NCKAP1: variants seen among roughly 807,000 people sequenced by gnomAD.
NCKAP1 encodes NCK associated protein 1.
Under a neutral mutation model 151.2 loss-of-function variants are expected in NCKAP1, and 21 were observed. The observed-to-expected ratio is 0.14, with a 90% CI of 0.10 to 0.20. The LOEUF (loss-of-function observed/expected upper bound fraction) is 0.20. Ranked by LOEUF, NCKAP1 falls within the 10% of genes least tolerant of loss-of-function variation. The pLI is 1.00. For missense variants in NCKAP1, 933 were observed against 1,352.1 expected, an observed-to-expected ratio of 0.69 and a Z score of 4.86; for synonymous variants, 484 against 451.8, an observed-to-expected ratio of 1.07 and a Z score of -0.90.
chr2:182,952,571 C>T, intron 22 of NCKAP1, 69 bp from the exon 23 acceptor site: 5 of 1,213,286 alleles, frequency 4.1e-6, no homozygotes, highest in Non-Finnish European at 4.7e-6. Flanking sequence ...AACATTAACA[C>T]AATACAACAT....
chr2:183,002,919 CCT>C (rs1411313971), intron 4 of NCKAP1, 53 bp downstream of exon 4: 19 of 1,354,322 alleles, frequency 1.4e-5, no homozygotes, highest in Non-Finnish European at 1.7e-5. Flanking sequence ...CAAGTGGTCC[CCT>C]GAGCTCTTCT....
rs145443827 is a variant in NCKAP1 at position 182,989,421 on chromosome 2, G to A, written c.791-235C>T. Among the ~76,000 whole-genome samples, 924 of 152,230 alleles carry A rather than the reference G, an allele frequency of 6.1e-3. 11 individuals are homozygous for A. Among genetic ancestry groups the A allele is most frequent in the African/African-American group, 0.021 (852 of 41,548 alleles). On this transcript the variant is annotated intron_variant, in intron 8 of 30. Coordinates refer to ENST00000361354, the MANE Select transcript of NCKAP1 (RefSeq NM_013436.5). ...CCTGAACTGACAAAACGGGAAAAAT[G>A]TCACTTCTGGGTTATGAACCAAGTC...
At chr2:182,984,423 G>T (rs1158203957) in intron 10 of NCKAP1, among the ~76,000 whole-genome samples, 5 of 144,282 alleles carry the variant, frequency 3.5e-5, no homozygotes, top group Non-Finnish European at 4.7e-5. Flanking sequence ...TTTAGATTGG[G>T]GTGTGTGTGT....
intron 1 of NCKAP1, among the ~76,000 whole-genome samples, chr2:183,026,487 T>TAAAAAAAAAAAAA (rs58384257): frequency 1.1e-5 from 1 of 92,944 alleles, no homozygotes; most frequent in African/African-American, 3.9e-5. Flanking sequence ...AACTAAAAAC[T>TAAAAAAAAAAAAA]AAAAAAAAAA....
At chr2:183,035,352 CAAT>C (rs1039910072) in intron 1 of NCKAP1, among the ~76,000 whole-genome samples, 7 of 151,572 alleles carry the variant, frequency 4.6e-5, no homozygotes, top group African/African-American at 7.3e-5. Flanking sequence ...ATATTACTGA[CAAT>C]AATAAGTTAT....
At chr2:183,004,998 A>G (rs1322877425) in intron 2 of NCKAP1, among the ~76,000 whole-genome samples, 8 of 151,912 alleles carry the variant, frequency 5.3e-5, no homozygotes, top group Non-Finnish European at 1.2e-4. Context: ...GCTTCATCTG[A>G]GAGTAGCTGA....
intron 16 of NCKAP1, among the ~76,000 whole-genome samples, chr2:182,965,687 T>C (rs1194048105): frequency 6.6e-6 from 1 of 152,150 alleles, no homozygotes; most frequent in African/African-American, 2.4e-5. Context: ...GACTGAAAAT[T>C]ACAAATTTCA....
chr2:183,035,546 G>A (rs3791247), intron 1 of NCKAP1, among the ~76,000 whole-genome samples: 6,718 of 151,986 alleles, frequency 0.044, 208 homozygotes, highest in South Asian at 0.13. Context: ...AAGACTAGAA[G>A]AGGTTGAGAT....
chr2:182,910,458 T>C lies in NCKAP1; in HGVS notation c.*15244A>G. 6.6e-6 allele frequency: 1 copy of C among 152,194 alleles called. No homozygotes were observed. Among genetic ancestry groups the C allele is most frequent in the Non-Finnish European group, 1.5e-5 (1 of 68,042 alleles). 9.4% of individuals were successfully genotyped at this position (152,194 alleles called of 1,614,324 possible). A position where few individuals can be genotyped will look rare whatever the true frequency, so the allele number is the denominator to read the frequency against. On this transcript the variant is annotated 3_prime_UTR_variant, in exon 31 of 31. Coordinates refer to ENST00000361354, the MANE Select transcript of NCKAP1 (RefSeq NM_013436.5). ...GTATACTCATATGTGCCCACAACAG[T>C]TGGAGCCTTGGGAACAAGGAAGTTA...
intron 26 of NCKAP1, among the ~76,000 whole-genome samples, chr2:182,933,011 T>C (rs186267259): frequency 9.1e-4 from 139 of 152,294 alleles, no homozygotes; most frequent in Non-Finnish European, 1.7e-3. Context: ...TACCATTTGG[T>C]ATAAATATAA....
chr2:182,951,151 A>G (rs1697207130), intron 23 of NCKAP1, among the ~76,000 whole-genome samples: 1 of 151,992 alleles, frequency 6.6e-6, no homozygotes, highest in South Asian at 2.1e-4. Context: ...GTTCTTAACC[A>G]ATGGGTAATA....
intron 1 of NCKAP1, 24 bp downstream of exon 1, chr2:183,037,968 G>C (rs763606446): frequency 6.4e-7 from 1 of 1,552,366 alleles, no homozygotes; most frequent in African/African-American, 1.4e-5. Flanking sequence ...CGCCTCCGCC[G>C]CGGCCTCCCC....
intron 8 of NCKAP1, among the ~76,000 whole-genome samples, chr2:182,992,644 T>C (rs1055597894): frequency 1.3e-5 from 2 of 152,176 alleles, no homozygotes; most frequent in South Asian, 2.1e-4. Context: ...CTTATCTTTA[T>C]AGAAGAAAAT....
At chr2:183,028,567 T>C (rs1300182573) in intron 1 of NCKAP1, among the ~76,000 whole-genome samples, 1 of 152,156 alleles carries the variant, frequency 6.6e-6, no homozygotes, top group Non-Finnish European at 1.5e-5. Flanking sequence ...TAATAGCCTA[T>C]ATGACCTTAG....
chr2:183,037,941 T>C (rs893728668), intron 1 of NCKAP1, 51 bp downstream of exon 1: 1 of 1,420,070 alleles, frequency 7.0e-7, no homozygotes, highest in East Asian at 2.8e-5. Flanking sequence ...TTGCCCTTCA[T>C]CCCTCCCGGG....
chr2:182,935,530 A>C (rs909220854), intron 24 of NCKAP1, 155 bp from the exon 25 acceptor site: 4 of 506,224 alleles, frequency 7.9e-6, no homozygotes, highest in Admixed American at 7.9e-5. Context: ...GATTAAAGAG[A>C]GAAAGATGTT....
At chr2:182,977,977 G>A (rs1697859419) in intron 14 of NCKAP1, among the ~76,000 whole-genome samples, 1 of 152,116 alleles carries the variant, frequency 6.6e-6, no homozygotes, top group Non-Finnish European at 1.5e-5. Context: ...GGAAGTAAAG[G>A]CTTTTCTCCT....
chr2:182,964,231 A>G (rs1335387271), intron 17 of NCKAP1, among the ~76,000 whole-genome samples: 1 of 152,190 alleles, frequency 6.6e-6, no homozygotes, highest in African/African-American at 2.4e-5. Flanking sequence ...CACAAGTATC[A>G]CAAAATCTGG....
intron 16 of NCKAP1, among the ~76,000 whole-genome samples, chr2:182,966,754 TAACA>T (rs905140138): frequency 3.3e-5 from 5 of 152,268 alleles, no homozygotes; most frequent in African/African-American, 1.2e-4. Flanking sequence ...AAAAAGACTC[TAACA>T]GAAAAAGAGA....
Sources: gnomAD v4.1 joint callset for allele counts (sites outside exome capture counted in the v4.1 genomes callset) on GRCh38, gnomAD v4.1.1 for gene constraint, MANE v1.5 for transcripts, NCBI Gene and HGNC (gene_info 2026-07-23, HGNC 2026-07-21) for gene names.